The following RINT1 variants were observed in gnomAD, a reference collection of about 807,000 sequenced individuals.
RINT1 encodes RAD50 interactor 1, also known as RAD50-interacting protein 1.
Under a neutral mutation model 97.7 loss-of-function variants are expected in RINT1, and 75 were observed. The ratio of observed to expected loss-of-function variants is 0.77; its 90% CI spans 0.64 to 0.93. The LOEUF is 0.93. Among genes scored for constraint, RINT1 ranks in the 40% least tolerant of loss-of-function variants. The probability of loss-of-function intolerance (pLI) is 0.00; values close to 1 mark genes in which losing one functional copy is unlikely to be tolerated. For missense variants in RINT1, 892 were observed against 925.2 expected (o/e 0.96, Z 0.47); for synonymous variants, 303 against 326.3 (o/e 0.93, Z 0.77).
chr7:105,555,432 A>T, intron 11 of RINT1: 1 of 405,160 alleles, frequency 2.5e-6, no homozygotes, highest in African/African-American at 2.0e-5. Flanking sequence ...TAATGTATTT[A>T]ATCATTGGAA....
At chr7:105,567,015 T>C (rs1188725270) in intron 14 of RINT1, 104 bp from the exon 15 acceptor site, 8 of 582,696 alleles carry the variant, frequency 1.4e-5, no homozygotes, top group African/African-American at 1.9e-5. Context: ...ATAGAGAACA[T>C]GTGGACCAGC....
At position 105,532,321 on chromosome 7, in the gene RINT1, A is replaced by T; in HGVS notation, c.6A>T (p.Leu2=). The change falls in exon 1 of 15, where the codon CTA becomes CTT. Residue 2 remains leucine (L), a synonymous_variant. Coordinates refer to ENST00000257700, the MANE Select transcript of RINT1 (RefSeq NM_021930.6). The part of the protein sequence containing the change: M[L]PAGEIGASPA... ...AGGACTCGCGCGGAGGCGAGATGCTACCAGCCGGCGAGATCGGCGCCTCTC... is the reference window on the plus strand; with the variant it reads ...AGGACTCGCGCGGAGGCGAGATGCTTCCAGCCGGCGAGATCGGCGCCTCTC... 1 of 1,592,492 alleles carries T rather than the reference A, an allele frequency of 6.3e-7. No homozygotes were observed. Among genetic ancestry groups the T allele is most frequent in the Non-Finnish European group, 8.5e-7 (1 of 1,172,002 alleles).
At position 105,535,459 on chromosome 7, in the gene RINT1, A is replaced by C. The variant is rs550591078; in HGVS notation, c.89-1106A>C. The C allele has an allele frequency of 2.0e-4, 80 of 397,356 alleles. 1 individual carries two copies. The highest frequency in any genetic ancestry group is 1.6e-3 in the African/African-American group (77 of 48,320). 24.6% of individuals were successfully genotyped at this position (397,356 alleles called of 1,614,324 possible). The stretch of plus-strand genomic sequence containing the variant: ...TGGCCAGGCTGGTCTCGAACTCCTG[A>C]CCTTGTGATCTGCCTGCCTCAACCT... On this transcript the variant is annotated intron_variant, in intron 2 of 14. Coordinates refer to ENST00000257700, the MANE Select transcript of RINT1 (RefSeq NM_021930.6).
intron 11 of RINT1, among the ~76,000 whole-genome samples, chr7:105,557,736 C>A (rs1013694231): frequency 4.6e-5 from 7 of 151,796 alleles, no homozygotes; most frequent in Non-Finnish European, 8.8e-5. Flanking sequence ...AAACAAAAAC[C>A]ATTTTTATTT....
In RINT1 at chr7:105,558,940, A is replaced by G. The variant is rs1309212892; in HGVS notation, c.1671+3713A>G. Reference sequence around the variant, plus strand: ...ACACTACTGCACTCCAGCCTGGGCAACTCCCCCCGCCAAAAAAAGAAAGAT... The same window carrying G: ...ACACTACTGCACTCCAGCCTGGGCAGCTCCCCCCGCCAAAAAAAGAAAGAT... On this transcript the variant is annotated intron_variant, in intron 11 of 14. Transcript: ENST00000257700. Among the ~76,000 whole-genome samples, 3 of 151,904 alleles carry G rather than the reference A, an allele frequency of 2.0e-5. No individual in the cohort carries two copies. In the East Asian group the frequency reaches 5.8e-4, roughly 29 times the overall value.
chr7:105,550,567 T>TC, intron 9 of RINT1, 81 bp downstream of exon 9: 5 of 1,029,726 alleles, frequency 4.9e-6, no homozygotes, highest in Non-Finnish European at 7.4e-6. Flanking sequence ...CTTCTCCAGT[T>TC]CTAAATAGGA....
chr7:105,537,826 C>T (rs1000747346), intron 3 of RINT1, among the ~76,000 whole-genome samples: 2 of 151,724 alleles, frequency 1.3e-5, no homozygotes, highest in South Asian at 4.2e-4. Context: ...ACAAAAGTGA[C>T]ACTCCGTCTC....
At chr7:105,553,739 G>C (rs1256703169) in intron 10 of RINT1, among the ~76,000 whole-genome samples, 2 of 139,264 alleles carry the variant, frequency 1.4e-5, no homozygotes, top group African/African-American at 5.3e-5. Flanking sequence ...TTTTTTCTTT[G>C]AGACAGAGTC....
At chr7:105,564,981 A>G (rs148803759) in intron 12 of RINT1, 87 of 229,224 alleles carry the variant, frequency 3.8e-4, no homozygotes, top group African/African-American at 1.8e-3. Flanking sequence ...AAGAAAAACT[A>G]CATAAATAAA....
intron 3 of RINT1, among the ~76,000 whole-genome samples, chr7:105,539,902 C>T (rs149746254): frequency 1.4e-4 from 22 of 152,274 alleles, no homozygotes; most frequent in African/African-American, 5.3e-4. Context: ...ACCTGAAGGA[C>T]GGATGCTGTG....
chr7:105,539,280 C>A (rs1291617740), intron 3 of RINT1, among the ~76,000 whole-genome samples: 20 of 152,000 alleles, frequency 1.3e-4, no homozygotes, highest in African/African-American at 4.8e-4. Context: ...TTATCATCCT[C>A]TCATCCTCTA....
At chr7:105,535,979 T>A (rs1342640141) in intron 2 of RINT1, among the ~76,000 whole-genome samples, 1 of 152,264 alleles carries the variant, frequency 6.6e-6, no homozygotes, top group Non-Finnish European at 1.5e-5. Context: ...GAATTTTTCC[T>A]TTAATACTTC....
intron 1 of RINT1, 134 bp from the exon 2 acceptor site, chr7:105,532,690 G>T: frequency 2.2e-6 from 2 of 925,128 alleles, no homozygotes; most frequent in South Asian, 2.7e-5. Flanking sequence ...TGATTCGGAC[G>T]GCCCTGGTCG....
chr7:105,553,448 C>G (rs9691235), intron 10 of RINT1, among the ~76,000 whole-genome samples: 1 of 151,064 alleles, frequency 6.6e-6, no homozygotes, highest in African/African-American at 2.4e-5. Context: ...TGGCCAGGCA[C>G]GGTGGCTCAC....
In RINT1 at chr7:105,550,505, A is replaced by C; in HGVS notation, c.1333+19A>C. On this transcript the variant is annotated intron_variant, in intron 9 of 14. Coordinates refer to ENST00000257700, the MANE Select transcript of RINT1 (RefSeq NM_021930.6). ...AGAAAATGTAAGTGCTGATGTGGCC[A>C]GATGGTAGGGAGATATGTCTGTTTC... 1.3e-6 allele frequency: 2 copies of C among 1,543,218 alleles called. No homozygotes were observed. Among genetic ancestry groups the C allele is most frequent in the South Asian group, 1.1e-5 (1 of 89,496 alleles).
chr7:105,546,063 C>G (rs138237703), intron 4 of RINT1, among the ~76,000 whole-genome samples: 1 of 152,072 alleles, frequency 6.6e-6, no homozygotes, highest in East Asian at 1.9e-4. Flanking sequence ...TCCTGACCTC[C>G]GGAGATCCAC....
chr7:105,564,020 A>G, intron 12 of RINT1, 73 bp downstream of exon 12: 5 of 1,100,604 alleles, frequency 4.5e-6, no homozygotes, highest in Non-Finnish European at 6.8e-6. Context: ...CAGATTTTCA[A>G]GGTGTCTAGA....
chr7:105,550,186 T>G (rs1486196882), intron 8 of RINT1, 21 bp downstream of exon 8: 2 of 1,605,236 alleles, frequency 1.2e-6, no homozygotes, highest in Non-Finnish European at 1.7e-6. Context: ...CAGTCATAAG[T>G]GTTTCTGTTT....
In RINT1 at chr7:105,564,527, TTTG is replaced by T. The variant is rs563988931; in HGVS notation, c.1886+585_1886+587del. ...GTGCACCTGTGGTACTCTGCATACT[TTTG>T]TTGTGGTTTATCCCACTACCATTCA... On this transcript the variant is annotated intron_variant, in intron 12 of 14. Coordinates refer to ENST00000257700, the MANE Select transcript of RINT1 (RefSeq NM_021930.6). Among the ~76,000 whole-genome samples, 18 of 152,340 alleles carry T rather than the reference TTTG, an allele frequency of 1.2e-4. No homozygotes were observed. In the East Asian group the frequency reaches 1.9e-3, roughly 16 times the overall value.
Sources: allele counts gnomAD v4.1 joint callset (sites outside exome capture counted in the v4.1 genomes callset), GRCh38; gene constraint gnomAD v4.1.1; transcripts MANE v1.5; gene names NCBI Gene and HGNC (gene_info 2026-07-23, HGNC 2026-07-21).